RETREG3: variants seen among roughly 807,000 people sequenced by gnomAD.
RETREG3 encodes reticulophagy regulator family member 3.
Under a neutral mutation model 50.2 loss-of-function variants are expected in RETREG3, and 23 were observed. That is an observed-to-expected ratio of 0.46 (90% confidence interval 0.33 to 0.65). The LOEUF is 0.65. RETREG3 is among the 30% of genes least tolerant of loss of function. The pLI, the probability that RETREG3 is intolerant of heterozygous loss-of-function variation, is 0.02. For synonymous variants in RETREG3, 240 were observed against 234.4 expected (o/e 1.02, Z -0.22); for missense variants, 546 against 598.0 (o/e 0.91, Z 0.91).
chr17:42,603,399 G>T (rs577472894), intron 1 of RETREG3, among the ~76,000 whole-genome samples: 3 of 152,120 alleles, frequency 2.0e-5, no homozygotes, highest in Admixed American at 6.6e-5. Context: ...ACTTGTGACC[G>T]CCTGGTTAAT....
In RETREG3 at chr17:42,581,751, C is replaced by T; in HGVS notation, c.*62G>A. On this transcript the variant is annotated 3_prime_UTR_variant, in exon 9 of 9. Coordinates refer to ENST00000309428, the MANE Select transcript of RETREG3 (RefSeq NM_178126.4). ...GCTGAGTTCTTCCCTTGCCCCATCA[C>T]CTTAAGTGGGATGGGGAGAAAAAAA... The T allele has an allele frequency of 6.9e-7, 1 of 1,452,942 alleles. No individual in the cohort carries two copies. 90.0% of individuals were successfully genotyped at this position (1,452,942 alleles called of 1,614,324 possible).
chr17:42,597,485 C>T (rs1330298226), intron 1 of RETREG3, among the ~76,000 whole-genome samples: 1 of 134,024 alleles, frequency 7.5e-6, no homozygotes, highest in Admixed American at 7.9e-5. Flanking sequence ...CCGCGCCCAG[C>T]CAGAATCTAT....
intron 1 of RETREG3, among the ~76,000 whole-genome samples, chr17:42,597,617 ATATTTTTTTTTT>A (rs2093149855): frequency 6.8e-5 from 1 of 14,804 alleles, no homozygotes; most frequent in Non-Finnish European, 1.2e-4. Context: ...ATATATATAT[ATATTTTTTTTTT>A]TTTTTTTTTT....
chr17:42,608,110 A>G (rs1567928802), intron 1 of RETREG3, among the ~76,000 whole-genome samples: 1 of 152,232 alleles, frequency 6.6e-6, no homozygotes. Flanking sequence ...GCAAAAACAC[A>G]ATTAAAAAAC....
At chr17:42,583,711 T>TAAC in intron 6 of RETREG3, 131 bp from the exon 7 acceptor site, 1 of 717,496 alleles carries the variant, frequency 1.4e-6, no homozygotes, top group African/African-American at 1.8e-5. Flanking sequence ...TACATAATAA[T>TAAC]AACAGAAGGC....
chr17:42,582,773 T>A lies in RETREG3; in HGVS notation c.844A>T (p.Ile282Phe). ...GCGTCTGAGTGCTCAGAGTCTGTGA[T>A]GGCCAATTCCCTGGCAACAGTAGAA... ...DDSTVARELA[I>F]TDSEHSDAEV... Residue 282 changes from isoleucine to phenylalanine, a missense_variant, in exon 8 of 9, where the codon ATC becomes TTC. By Grantham distance (21) the Ile-to-Phe change is conservative (BLOSUM62 0). Coordinates refer to ENST00000309428, the MANE Select transcript of RETREG3 (RefSeq NM_178126.4). 6.2e-7 allele frequency: 1 copy of A among 1,614,246 alleles called. No individual in the cohort carries two copies. The highest frequency in any genetic ancestry group is 8.5e-7 in the Non-Finnish European group (1 of 1,180,044).
chr17:42,584,142 T>C (rs919076801), intron 6 of RETREG3, among the ~76,000 whole-genome samples: 4 of 152,172 alleles, frequency 2.6e-5, no homozygotes, highest in African/African-American at 9.6e-5. Flanking sequence ...GATGATCAAA[T>C]ACCAGGCTTT....
intron 1 of RETREG3, among the ~76,000 whole-genome samples, chr17:42,605,987 T>A (rs2093167185): frequency 2.0e-5 from 2 of 99,914 alleles, no homozygotes; most frequent in East Asian, 3.5e-4. Context: ...CGAGACTCCA[T>A]CTCAAAAAAA....
chr17:42,584,103 C>T (rs1016113794), intron 6 of RETREG3, among the ~76,000 whole-genome samples: 8 of 152,166 alleles, frequency 5.3e-5, no homozygotes, highest in East Asian at 1.9e-4. Flanking sequence ...CCACTGCGCC[C>T]GGCCTGGCAC....
intron 1 of RETREG3, among the ~76,000 whole-genome samples, chr17:42,594,764 T>C (rs1041745308): frequency 6.6e-6 from 1 of 151,376 alleles, no homozygotes; most frequent in East Asian, 2.0e-4. Context: ...GGCAGGAGAA[T>C]GGCGTGAACC....
chr17:42,608,396 A>C (rs1383823475), intron 1 of RETREG3, among the ~76,000 whole-genome samples: 1 of 152,166 alleles, frequency 6.6e-6, no homozygotes, highest in Non-Finnish European at 1.5e-5. Context: ...TTAGACATCA[A>C]TTTCCTTGCC....
rs1182477118 is a variant in RETREG3 at position 42,581,675 on chromosome 17, C to CT, written c.*137dup. 2 of 770,156 alleles carry CT rather than the reference C, an allele frequency of 2.6e-6. No individual in the cohort carries two copies. The highest frequency in any genetic ancestry group is 4.0e-6 in the Non-Finnish European group (2 of 498,024). 47.7% of individuals were successfully genotyped at this position (770,156 alleles called of 1,614,324 possible). ...GTGAGTGTCCTCTCTAAGGAGGCCT[C>CT]TGAGCATCAGCCAGGCCACCCAGCA... On this transcript the variant is annotated 3_prime_UTR_variant, in exon 9 of 9. Coordinates refer to ENST00000309428, the MANE Select transcript of RETREG3 (RefSeq NM_178126.4).
At chr17:42,585,405 G>T in intron 5 of RETREG3, 143 bp from the exon 6 acceptor site, 1 of 1,221,836 alleles carries the variant, frequency 8.2e-7, no homozygotes, top group Non-Finnish European at 1.1e-6. Flanking sequence ...ATCTTCACCA[G>T]TCTCCCCTAC....
intron 3 of RETREG3, chr17:42,587,611 T>C (rs2093123793): frequency 3.6e-6 from 2 of 548,122 alleles, no homozygotes; most frequent in Non-Finnish European, 3.3e-6. Context: ...TGGGGCACTG[T>C]AATGCTTCTT....
rs9898532 is a variant in RETREG3, at chr17:42,609,350, G to C, written c.-26C>G. The C allele has an allele frequency of 1.1e-5, 17 of 1,584,820 alleles. No homozygotes were observed. In the East Asian group the frequency reaches 2.9e-4, roughly 27 times the overall value. ...CTCCCCGCGGCAGCCACAACATCCG[G>C]GGCCGTGGCCCGACAAGTCACAATA... On this transcript the variant is annotated 5_prime_UTR_variant, in exon 1 of 9. Transcript: ENST00000309428.
At chr17:42,596,549 G>A (rs2093145519) in intron 1 of RETREG3, 1 of 151,818 alleles carries the variant, frequency 6.6e-6, no homozygotes, top group East Asian at 1.9e-4. Context: ...CATCTCTAAA[G>A]TACTTCATCT....
intron 1 of RETREG3, among the ~76,000 whole-genome samples, chr17:42,599,569 G>A (rs533103502): frequency 6.6e-6 from 1 of 150,444 alleles, no homozygotes; most frequent in South Asian, 2.1e-4. Context: ...CAGGACAATC[G>A]CTTGAACCCA....
Position 42,587,853 on chromosome 17 carries a change from C to T in RETREG3, c.358G>A (p.Asp120Asn), listed in dbSNP as rs967441166. The change falls in exon 3 of 9, where the codon GAC (aspartate) becomes AAC (asparagine). Residue 120 changes from aspartate to asparagine, a missense_variant. Coordinates refer to ENST00000309428, the MANE Select transcript of RETREG3 (RefSeq NM_178126.4). ...CCATACCTCTCATTGTCTAATGCGTCGGGTCTTGGCACTACAATATTAAAA... is the reference window on the plus strand; with the variant it reads ...CCATACCTCTCATTGTCTAATGCGTTGGGTCTTGGCACTACAATATTAAAA... ...IWPEIKVPRP[D>N]ALDNESWGFV... The T allele has an allele frequency of 3.1e-6, 5 of 1,613,966 alleles. No homozygotes were observed. The highest frequency in any genetic ancestry group is 4.2e-6 in the Non-Finnish European group (5 of 1,180,028).
At chr17:42,587,947 A>C in intron 2 of RETREG3, 83 bp from the exon 3 acceptor site, 1 of 1,485,234 alleles carries the variant, frequency 6.7e-7, no homozygotes. Context: ...TGACAGCTCA[A>C]GTTTTAATAG....
Sources: allele counts gnomAD v4.1 joint callset (sites outside exome capture counted in the v4.1 genomes callset), GRCh38; gene constraint gnomAD v4.1.1; transcripts MANE v1.5; gene names NCBI Gene and HGNC (gene_info 2026-07-23, HGNC 2026-07-21).